The following DCDC2 variants were observed in gnomAD, a reference collection of about 807,000 sequenced individuals.
The protein encoded by DCDC2 is doublecortin domain containing 2.
Under a neutral mutation model 50.2 loss-of-function variants are expected in DCDC2, and 40 were observed. The observed-to-expected ratio is 0.80, with a 90% CI of 0.62 to 1.04. DCDC2 has a LOEUF of 1.04. Among genes scored for constraint, DCDC2 ranks in the 50% least tolerant of loss-of-function variants. The probability of loss-of-function intolerance (pLI) is 0.00; values close to 1 mark genes in which losing one functional copy is unlikely to be tolerated. For missense variants in DCDC2, 570 were observed against 581.9 expected (o/e 0.98, Z 0.21); for synonymous variants, 234 against 210.6 (o/e 1.11, Z -0.96).
At chr6:24,205,996 C>A (rs1297341283) in intron 7 of DCDC2, among the ~76,000 whole-genome samples, 1 of 152,142 alleles carries the variant, frequency 6.6e-6, no homozygotes, top group Non-Finnish European at 1.5e-5. Flanking sequence ...TTGATTACCC[C>A]TACAGTCTAG....
intron 8 of DCDC2, among the ~76,000 whole-genome samples, chr6:24,192,856 T>C (rs1761343164): frequency 2.0e-5 from 3 of 151,756 alleles, no homozygotes; most frequent in Non-Finnish European, 4.4e-5. Flanking sequence ...AAAGAAACAA[T>C]TTTTTTCCAA....
chr6:24,194,000 A>T (rs1365337351), intron 8 of DCDC2, among the ~76,000 whole-genome samples: 1 of 152,168 alleles, frequency 6.6e-6, no homozygotes, highest in Non-Finnish European at 1.5e-5. Flanking sequence ...ATTAAAGTTT[A>T]ATTAAAATCA....
intron 7 of DCDC2, among the ~76,000 whole-genome samples, chr6:24,277,098 ACT>A (rs1221558935): frequency 6.6e-6 from 1 of 152,194 alleles, no homozygotes; most frequent in East Asian, 1.9e-4. Context: ...AGGAGTTCAA[ACT>A]GTCTCCTCAG....
chr6:24,280,423 C>T (rs1763446433), intron 6 of DCDC2, among the ~76,000 whole-genome samples: 1 of 151,066 alleles, frequency 6.6e-6, no homozygotes, highest in Non-Finnish European at 1.5e-5. Flanking sequence ...TTAAGCTCTG[C>T]CATAAACTGT....
chr6:24,289,857 A>C (rs79864533), intron 5 of DCDC2, among the ~76,000 whole-genome samples: 5,596 of 152,074 alleles, frequency 0.037, 306 homozygotes, highest in African/African-American at 0.12. Flanking sequence ...AACCAAAAAA[A>C]ATTTTTTTTT....
chr6:24,334,670 C>A (rs1011531753), intron 2 of DCDC2, among the ~76,000 whole-genome samples: 3 of 152,186 alleles, frequency 2.0e-5, no homozygotes, highest in African/African-American at 7.2e-5. Context: ...TTGGCATGAG[C>A]ACCCCACCCA....
At position 24,244,250 on chromosome 6, in the gene DCDC2, G is replaced by A. The variant is rs150699159; in HGVS notation, c.922+33799C>T. 4.5e-4 allele frequency among the ~76,000 whole-genome samples: 68 copies of A among 152,286 alleles called. 1 individual carries two copies. Among genetic ancestry groups the A allele is most frequent in the Middle Eastern group, 3.4e-3 (1 of 294 alleles). On this transcript the variant is annotated intron_variant, in intron 7 of 9. Transcript: ENST00000378454. Reference sequence around the variant, plus strand: ...GAAAGTTAAGAAATAGTGACCTTCCGGGTTTGCTTCTAACAGTTCAAATGA... The same window carrying A: ...GAAAGTTAAGAAATAGTGACCTTCCAGGTTTGCTTCTAACAGTTCAAATGA...
chr6:24,309,277 A>T (rs1759529803), intron 2 of DCDC2, among the ~76,000 whole-genome samples: 1 of 149,128 alleles, frequency 6.7e-6, no homozygotes, highest in African/African-American at 2.5e-5. Context: ...GTGAGACGAG[A>T]TCACGCCATT....
intron 2 of DCDC2, among the ~76,000 whole-genome samples, chr6:24,307,760 T>A (rs1328499005): frequency 6.6e-6 from 1 of 150,770 alleles, no homozygotes; most frequent in Admixed American, 6.6e-5. Flanking sequence ...AAAGAATCAT[T>A]CTTTTTTTTT....
chr6:24,354,833 T>G (rs947261322), intron 1 of DCDC2, among the ~76,000 whole-genome samples: 2 of 152,186 alleles, frequency 1.3e-5, no homozygotes, highest in South Asian at 2.1e-4. Flanking sequence ...AAGGGTTTAA[T>G]AGCTACCTGA....
At chr6:24,247,331 A>G (rs1291464786) in intron 7 of DCDC2, among the ~76,000 whole-genome samples, 1 of 147,544 alleles carries the variant, frequency 6.8e-6, no homozygotes, top group Non-Finnish European at 1.5e-5. Context: ...ATATTTAACT[A>G]TTTTTATATA....
intron 6 of DCDC2, among the ~76,000 whole-genome samples, chr6:24,283,592 T>C (rs1292077585): frequency 1.3e-5 from 2 of 152,228 alleles, no homozygotes; most frequent in Non-Finnish European, 2.9e-5. Flanking sequence ...GCTTTCCCCA[T>C]GGATTTTGCA....
chr6:24,334,203 T>C (rs1271169795), intron 2 of DCDC2, among the ~76,000 whole-genome samples: 2 of 152,218 alleles, frequency 1.3e-5, no homozygotes, highest in Admixed American at 1.3e-4. Flanking sequence ...CTTCTGAAGG[T>C]TGTACATAGA....
intron 8 of DCDC2, among the ~76,000 whole-genome samples, chr6:24,185,659 A>G (rs981818638): frequency 1.3e-5 from 2 of 149,242 alleles, no homozygotes; most frequent in African/African-American, 5.0e-5. Context: ...CCCAGAAGGA[A>G]CACCGGGTTT....
chr6:24,310,173 A>G (rs1759547609), intron 2 of DCDC2, among the ~76,000 whole-genome samples: 1 of 152,180 alleles, frequency 6.6e-6, no homozygotes, highest in Admixed American at 6.5e-5. Context: ...TACTTTTTAT[A>G]CTTGGCTATG....
intron 8 of DCDC2, among the ~76,000 whole-genome samples, chr6:24,198,941 G>C (rs1289399985): frequency 6.6e-6 from 1 of 152,214 alleles, no homozygotes; most frequent in Admixed American, 6.5e-5. Context: ...AGCCACTGGA[G>C]CCAGACTGCC....
At position 24,193,379 on chromosome 6, in the gene DCDC2, C is replaced by G. The variant is rs1408235869; in HGVS notation, c.1023+11623G>C. Among the ~76,000 whole-genome samples the G allele has an allele frequency of 5.3e-5, 8 of 152,048 alleles. No homozygotes were observed. In the East Asian group the frequency reaches 1.3e-3, roughly 26 times the overall value. ...GGTGAAGAAAAATACCAGGATAACT[C>G]TGAAAAGCAGATCTAGAGAACAACT... On this transcript the variant is annotated intron_variant, in intron 8 of 9. Coordinates refer to ENST00000378454, the MANE Select transcript of DCDC2 (RefSeq NM_016356.5).
intron 8 of DCDC2, among the ~76,000 whole-genome samples, chr6:24,178,990 C>T (rs181183620): frequency 1.8e-3 from 269 of 152,166 alleles, no homozygotes; most frequent in African/African-American, 5.9e-3. Context: ...GAAAGCCAAA[C>T]CGCAAGGTCC....
intron 7 of DCDC2, among the ~76,000 whole-genome samples, chr6:24,217,405 C>T (rs900355243): frequency 3.3e-5 from 5 of 152,178 alleles, no homozygotes; most frequent in African/African-American, 1.2e-4. Context: ...TCAACTACTA[C>T]CAATAATATG....
Sources: allele counts gnomAD v4.1 joint callset (sites outside exome capture counted in the v4.1 genomes callset), GRCh38; gene constraint gnomAD v4.1.1; transcripts MANE v1.5; gene names NCBI Gene and HGNC (gene_info 2026-07-23, HGNC 2026-07-21).